The following VMP1 variants were observed in gnomAD, a reference collection of about 807,000 sequenced individuals.
VMP1 encodes vacuole membrane protein 1, also known as ectopic P-granules autophagy protein 3 homolog.
Under a neutral mutation model 56.0 loss-of-function variants are expected in VMP1, and 11 were observed. That is an observed-to-expected ratio of 0.20 (90% CI 0.12 to 0.32). The LOEUF is 0.32. Ranked by LOEUF, VMP1 falls within the 10% of genes least tolerant of loss-of-function variation. The probability of loss-of-function intolerance (pLI) is 1.00; values close to 1 mark genes in which losing one functional copy is unlikely to be tolerated. For missense variants in VMP1, 296 were observed against 490.3 expected (o/e 0.60, Z 3.74); for synonymous variants, 149 against 165.0 (o/e 0.90, Z 0.74).
intron 7 of VMP1, among the ~76,000 whole-genome samples, chr17:59,785,574 C>T (rs898481361): frequency 6.6e-6 from 1 of 151,228 alleles, no homozygotes; most frequent in Admixed American, 6.6e-5. Flanking sequence ...TGTGTAATCC[C>T]AGCTACTTGG....
At chr17:59,789,333 G>A (rs2037133034) in intron 7 of VMP1, among the ~76,000 whole-genome samples, 1 of 146,374 alleles carries the variant, frequency 6.8e-6, no homozygotes, top group African/African-American at 2.5e-5. Context: ...CGAGGCGGGC[G>A]GAACCAGTCT....
intron 10 of VMP1, among the ~76,000 whole-genome samples, chr17:59,825,561 A>C (rs1318034551): frequency 6.6e-6 from 1 of 152,202 alleles, no homozygotes. Context: ...AACATTAAGC[A>C]TATGACTCGC....
intron 1 of VMP1, among the ~76,000 whole-genome samples, chr17:59,713,081 G>C (rs531264487): frequency 4.9e-4 from 74 of 152,282 alleles, no homozygotes; most frequent in African/African-American, 1.6e-3. Context: ...TTTAGTGACT[G>C]GGTGGGTGGT....
chr17:59,745,908 C>T (rs370083396), intron 5 of VMP1, among the ~76,000 whole-genome samples: 26 of 152,258 alleles, frequency 1.7e-4, no homozygotes, highest in South Asian at 8.3e-4. Flanking sequence ...TACTGGAAAT[C>T]GTAGCTTAAA....
chr17:59,740,341 C>A (rs192684359), intron 5 of VMP1, among the ~76,000 whole-genome samples: 6 of 152,204 alleles, frequency 3.9e-5, no homozygotes, highest in African/African-American at 1.4e-4. Context: ...AAAACACTTC[C>A]ATATTTGAAA....
At chr17:59,765,828 T>C (rs1003618056) in intron 6 of VMP1, among the ~76,000 whole-genome samples, 4 of 152,026 alleles carry the variant, frequency 2.6e-5, no homozygotes, top group Non-Finnish European at 4.4e-5. Context: ...CAAATCCATG[T>C]TGTTCAAGGG....
chr17:59,786,788 G>A (rs539404449), intron 7 of VMP1, among the ~76,000 whole-genome samples: 32 of 152,272 alleles, frequency 2.1e-4, no homozygotes, highest in African/African-American at 6.5e-4. Flanking sequence ...TTTGTGTTGC[G>A]TCAGGAGTTC....
Position 59,807,889 on chromosome 17 carries a change from T to G in VMP1, c.715-907T>G, listed in dbSNP as rs554630848. Among the ~76,000 whole-genome samples the G allele has an allele frequency of 4.0e-5, 6 of 150,710 alleles. No homozygotes were observed. The East Asian group carries it at 9.8e-4, about 25-fold the overall frequency. On this transcript the variant is annotated intron_variant, in intron 7 of 11. Transcript: ENST00000262291. ...AAAGAGAGTGGAAGAGGTTCTATGA[T>G]ATGAAGACTTATTAATAAAGCATTT...
chr17:59,835,785 C>T (rs946895101), intron 10 of VMP1, among the ~76,000 whole-genome samples: 3 of 150,020 alleles, frequency 2.0e-5, no homozygotes, highest in Non-Finnish European at 4.4e-5. Flanking sequence ...CCACTGCTCC[C>T]GGCCACATAA....
At position 59,839,819 on chromosome 17, in the gene VMP1, T is replaced by C; in HGVS notation, c.1129T>C (p.Cys377Arg). ...TGAAAAGTTGGTCGTTGTCATGGTG[T>C]GTTACTTCATCCTATCTATCATTAA... ...MFEKLVVVMV[C>R]YFILSIINSM... Residue 377 changes from cysteine to arginine, a missense_variant, in exon 12 of 12, where the codon TGT becomes CGT. This residue lies in a region of VMP1 where 95 missense variants were observed against 137.6 expected (regional missense o/e 0.69). Transcript: ENST00000262291. 3 of 1,613,816 alleles carry C rather than the reference T, an allele frequency of 1.9e-6. No individual in the cohort carries two copies. The highest frequency in any genetic ancestry group is 2.5e-6 in the Non-Finnish European group (3 of 1,179,954).
intron 1 of VMP1, among the ~76,000 whole-genome samples, chr17:59,716,978 A>T (rs7214597): frequency 0.072 from 10,844 of 150,882 alleles, 1,232 homozygotes; most frequent in African/African-American, 0.25. Context: ...TCCAATTTTT[A>T]TTTTTTTTTA....
At chr17:59,839,455 G>C (rs1043281815) in intron 11 of VMP1, 1 of 282,132 alleles carries the variant, frequency 3.5e-6, no homozygotes, top group African/African-American at 2.2e-5. Flanking sequence ...ATGAGTATCT[G>C]CATGGCGACT....
At chr17:59,810,913 T>C (rs1303780946) in intron 8 of VMP1, among the ~76,000 whole-genome samples, 2 of 152,340 alleles carry the variant, frequency 1.3e-5, no homozygotes, top group Middle Eastern at 3.4e-3. Context: ...TCTTTGCATT[T>C]TTACATGAAA....
intron 5 of VMP1, among the ~76,000 whole-genome samples, chr17:59,759,284 G>T (rs2035956909): frequency 6.6e-6 from 1 of 151,976 alleles, no homozygotes; most frequent in African/African-American, 2.4e-5. Context: ...TGAGGCAGGA[G>T]AATTGCTTGA....
At chr17:59,772,644 C>T (rs1358280082) in intron 6 of VMP1, among the ~76,000 whole-genome samples, 2 of 151,592 alleles carry the variant, frequency 1.3e-5, no homozygotes, top group African/African-American at 4.8e-5. Flanking sequence ...TGGCACACAC[C>T]TGTAGTCCCA....
At chr17:59,832,469 G>A (rs1226791389) in intron 10 of VMP1, among the ~76,000 whole-genome samples, 1 of 151,734 alleles carries the variant, frequency 6.6e-6, no homozygotes, top group Non-Finnish European at 1.5e-5. Flanking sequence ...TACTTACATA[G>A]CTAGTTTAGG....
At chr17:59,831,071 C>T (rs2038790922) in intron 10 of VMP1, among the ~76,000 whole-genome samples, 1 of 152,160 alleles carries the variant, frequency 6.6e-6, no homozygotes, top group Non-Finnish European at 1.5e-5. Context: ...AGCAGTCCTC[C>T]CACCTCAGCC....
chr17:59,748,603 T>C (rs1277521874), intron 5 of VMP1, among the ~76,000 whole-genome samples: 1 of 152,184 alleles, frequency 6.6e-6, no homozygotes, highest in East Asian at 1.9e-4. Flanking sequence ...AGTTTTCAGC[T>C]CAGTACCTAG....
intron 1 of VMP1, among the ~76,000 whole-genome samples, chr17:59,710,595 A>G (rs747276364): frequency 5.9e-5 from 9 of 152,166 alleles, no homozygotes; most frequent in Admixed American, 1.3e-4. Context: ...TAGCATAACA[A>G]AAACTGTGCT....
Sources: allele counts gnomAD v4.1 joint callset (sites outside exome capture counted in the v4.1 genomes callset), GRCh38; gene constraint gnomAD v4.1.1; regional missense constraint gnomAD v4.1.1; transcripts MANE v1.5; gene names NCBI Gene and HGNC (gene_info 2026-07-23, HGNC 2026-07-21).